The following RPIA variants were observed in gnomAD, a reference collection of about 807,000 sequenced individuals.
RPIA encodes ribose-5-phosphate isomerase.
RPIA carries 29 observed loss-of-function variants against 37.8 expected under a neutral mutation model. The observed-to-expected ratio is 0.77, with a 90% CI of 0.57 to 1.05. The LOEUF is 1.05. Among genes scored for constraint, RPIA ranks in the 50% least tolerant of loss-of-function variants. The pLI is 0.00. For synonymous variants in RPIA, 167 were observed against 157.0 expected, an observed-to-expected ratio of 1.06 and a Z score of -0.48; for missense variants, 385 against 413.6, an observed-to-expected ratio of 0.93 and a Z score of 0.60.
intron 2 of RPIA, 80 bp downstream of exon 2, chr2:88,698,624 A>C: frequency 7.4e-7 from 1 of 1,354,626 alleles, no homozygotes. Flanking sequence ...GAAGTGGCAC[A>C]CAGGTTTGGC....
At chr2:88,715,304 G>C (rs897314193) in intron 3 of RPIA, among the ~76,000 whole-genome samples, 1 of 152,222 alleles carries the variant, frequency 6.6e-6, no homozygotes, top group Non-Finnish European at 1.5e-5. Context: ...TCCTCTTCGG[G>C]GGGAAGGGAG....
chr2:88,701,713 C>G (rs1252303496), intron 3 of RPIA, among the ~76,000 whole-genome samples: 1 of 15,546 alleles, frequency 6.4e-5, no homozygotes, highest in Non-Finnish European at 1.3e-4. Context: ...TCAGAGCAAA[C>G]TGGGAGCGTG....
intron 3 of RPIA, among the ~76,000 whole-genome samples, chr2:88,704,200 T>A (rs533356123): frequency 6.6e-6 from 1 of 152,336 alleles, no homozygotes; most frequent in African/African-American, 2.4e-5. Context: ...CTAAAGTCAC[T>A]TCCATATTTT....
At chr2:88,712,501 C>A (rs1672972355) in intron 3 of RPIA, among the ~76,000 whole-genome samples, 1 of 152,152 alleles carries the variant, frequency 6.6e-6, no homozygotes, top group African/African-American at 2.4e-5. Context: ...TTTGCTTATT[C>A]TTTACCTTGC....
At chr2:88,723,565 C>T (rs971946818) in intron 3 of RPIA, among the ~76,000 whole-genome samples, 1 of 152,004 alleles carries the variant, frequency 6.6e-6, no homozygotes, top group Non-Finnish European at 1.5e-5. Flanking sequence ...AGCAAATTGT[C>T]CTGTTGGTTT....
At position 88,716,294 on chromosome 2, in the gene RPIA, G is replaced by C. The variant is rs370291994; in HGVS notation, c.403-12984G>C. 2.6e-4 allele frequency among the ~76,000 whole-genome samples: 39 copies of C among 152,236 alleles called. No homozygotes were observed. The South Asian group carries it at 7.0e-3, about 27-fold the overall frequency. ...TATCAGACTGAACCTAGGTACATCT[G>C]ATACATATTGATTGATGTCTCATGT... On this transcript the variant is annotated intron_variant, in intron 3 of 8. Coordinates refer to ENST00000283646, the MANE Select transcript of RPIA (RefSeq NM_144563.3).
chr2:88,737,248 C>A (rs548739844), intron 7 of RPIA, among the ~76,000 whole-genome samples: 2 of 152,264 alleles, frequency 1.3e-5, no homozygotes, highest in African/African-American at 4.8e-5. Context: ...AACAAATAAG[C>A]AAAGACAGCA....
At chr2:88,693,599 G>A (rs1558686334) in intron 1 of RPIA, among the ~76,000 whole-genome samples, 1 of 152,236 alleles carries the variant, frequency 6.6e-6, no homozygotes, top group Non-Finnish European at 1.5e-5. Context: ...GCCCCTTAAA[G>A]GGTAAGCTCC....
At chr2:88,735,043 G>A (rs1399865813) in intron 5 of RPIA, among the ~76,000 whole-genome samples, 1 of 152,228 alleles carries the variant, frequency 6.6e-6, no homozygotes, top group Non-Finnish European at 1.5e-5. Context: ...CTTAAGTGCT[G>A]ATTTGGGGAG....
intron 3 of RPIA, among the ~76,000 whole-genome samples, chr2:88,713,035 A>AT (rs1226313958): frequency 6.9e-5 from 9 of 129,622 alleles, no homozygotes; most frequent in Non-Finnish European, 1.4e-4. Context: ...CGCCCAGCTG[A>AT]TTTTTTTGTA....
In RPIA at chr2:88,729,719, T is replaced by C. The variant is rs919042583; in HGVS notation, c.462+382T>C. 2.2e-5 allele frequency among the ~76,000 whole-genome samples: 2 copies of C among 92,518 alleles called. 1 individual carries two copies. The highest frequency in any genetic ancestry group is 4.5e-5 in the Non-Finnish European group (2 of 44,542). The allele number at this position is 92,518 out of a possible 152,430, so 60.7% of individuals were successfully genotyped here. ...GGCAGCCATGGACATTTGAAAATAT[T>C]AAAACTAAGCAGAACTGAAGGAAAT... On this transcript the variant is annotated intron_variant, in intron 4 of 8. Transcript: ENST00000283646.
chr2:88,735,365 T>C (rs1400449814), intron 5 of RPIA, among the ~76,000 whole-genome samples: 1 of 152,194 alleles, frequency 6.6e-6, no homozygotes, highest in African/African-American at 2.4e-5. Context: ...CTCCCATTCA[T>C]GCCATGTCCA....
intron 8 of RPIA, 136 bp downstream of exon 8, chr2:88,738,212 G>T: frequency 2.8e-6 from 2 of 714,916 alleles, no homozygotes; most frequent in South Asian, 3.0e-5. Context: ...TTTATACCAT[G>T]TTTGGGTTTT....
At chr2:88,700,728 C>T (rs180702663) in intron 3 of RPIA, among the ~76,000 whole-genome samples, 1 of 152,178 alleles carries the variant, frequency 6.6e-6, no homozygotes, top group East Asian at 1.9e-4. Context: ...ATAGTAGGAG[C>T]TGATGGAGGA....
At chr2:88,726,247 A>T (rs1390647452) in intron 3 of RPIA, among the ~76,000 whole-genome samples, 1 of 152,182 alleles carries the variant, frequency 6.6e-6, no homozygotes, top group East Asian at 1.9e-4. Flanking sequence ...GAGGAGGCAT[A>T]GCTCAGTTGG....
chr2:88,694,267 C>T (rs1280888721), intron 1 of RPIA, among the ~76,000 whole-genome samples: 2 of 152,216 alleles, frequency 1.3e-5, no homozygotes, highest in Non-Finnish European at 2.9e-5. Context: ...CAGCAGGGAT[C>T]ACATGGGTGA....
At chr2:88,734,671 A>C in intron 5 of RPIA, 55 bp downstream of exon 5, 2 of 1,555,326 alleles carry the variant, frequency 1.3e-6, no homozygotes. Flanking sequence ...AATCCTTAGC[A>C]AAGCAAGATG....
chr2:88,707,649 G>GT (rs1391486328), intron 3 of RPIA, among the ~76,000 whole-genome samples: 1 of 152,148 alleles, frequency 6.6e-6, no homozygotes, highest in Non-Finnish European at 1.5e-5. Flanking sequence ...TTGATTTCCA[G>GT]TTTCATTAGA....
intron 1 of RPIA, among the ~76,000 whole-genome samples, chr2:88,696,231 G>GTT (rs1244268340): frequency 6.6e-6 from 1 of 151,880 alleles, no homozygotes; most frequent in Non-Finnish European, 1.5e-5. Flanking sequence ...ATAGATTGAT[G>GTT]TTTCAGCGAA....
Sources: allele counts gnomAD v4.1 joint callset (sites outside exome capture counted in the v4.1 genomes callset), GRCh38; gene constraint gnomAD v4.1.1; transcripts MANE v1.5; gene names NCBI Gene and HGNC (gene_info 2026-07-23, HGNC 2026-07-21).